Variants in APBB2 observed in about 807,000 individuals in gnomAD.
APBB2 encodes the protein amyloid beta precursor protein binding family B member 2.
A neutral mutation model predicts 82.5 loss-of-function variants in APBB2; 38 were observed. The ratio of observed to expected loss-of-function variants is 0.46; its 90% CI spans 0.36 to 0.60. The LOEUF is 0.60. Among genes scored for constraint, APBB2 ranks in the 20% least tolerant of loss-of-function variants. APBB2 has a pLI of 0.00. For synonymous variants in APBB2, 341 were observed against 368.2 expected (o/e 0.93, Z 0.85); for missense variants, 772 against 972.3 (o/e 0.79, Z 2.74).
chr4:41,061,556 G>C (rs1729845653), intron 4 of APBB2, among the ~76,000 whole-genome samples: 1 of 152,210 alleles, frequency 6.6e-6, no homozygotes, highest in African/African-American at 2.4e-5. Flanking sequence ...AAAAGGTACA[G>C]GAGAAATAGG....
At chr4:41,147,347 T>C (rs1240882907) in intron 1 of APBB2, among the ~76,000 whole-genome samples, 2 of 152,174 alleles carry the variant, frequency 1.3e-5, no homozygotes, top group East Asian at 3.9e-4. Flanking sequence ...CTGGATTTGA[T>C]TCATAGATTG....
chr4:40,978,764 C>CT (rs1797785740), intron 6 of APBB2, among the ~76,000 whole-genome samples: 1 of 152,078 alleles, frequency 6.6e-6, no homozygotes, highest in South Asian at 2.1e-4. Flanking sequence ...TACAAATAAA[C>CT]AAGCAAAAGC....
chr4:40,825,939 G>A lies in APBB2; in HGVS notation c.1764C>T (p.Val588=). Residue 588 remains valine (V), a synonymous_variant, in exon 15 of 18, where the codon GTC becomes GTT. Coordinates refer to ENST00000508593, the MANE Select transcript of APBB2 (RefSeq NM_004307.2). The part of the protein sequence containing the change: ...VDFPTPKTEL[V]QKFHVQYLGM... ...CCAAGTACTGCACGTGGAACTTCTG[G>A]ACCAGCTCAGTCTTTGGTGTTGGAA... 6.2e-7 allele frequency: 1 copy of A among 1,614,084 alleles called. No homozygotes were observed. Among genetic ancestry groups the A allele is most frequent in the Non-Finnish European group, 8.5e-7 (1 of 1,179,998 alleles).
intron 1 of APBB2, among the ~76,000 whole-genome samples, chr4:41,210,591 T>A (rs377532574): frequency 2.6e-5 from 4 of 152,384 alleles, no homozygotes; most frequent in African/African-American, 9.6e-5. Context: ...AATCTGGGTT[T>A]ATCTTCTGAC....
At chr4:40,831,722 G>T (rs1023834885) in intron 12 of APBB2, among the ~76,000 whole-genome samples, 6 of 152,170 alleles carry the variant, frequency 3.9e-5, no homozygotes, top group African/African-American at 1.4e-4. Context: ...ACCATGGACT[G>T]CAGTCCTATC....
intron 5 of APBB2, among the ~76,000 whole-genome samples, chr4:41,022,572 C>A (rs1712085628): frequency 6.6e-6 from 1 of 152,198 alleles, no homozygotes; most frequent in Non-Finnish European, 1.5e-5. Flanking sequence ...CTACTTCTCA[C>A]AATTCTCACA....
intron 2 of APBB2, among the ~76,000 whole-genome samples, chr4:41,111,689 C>T (rs567461175): frequency 7.7e-4 from 118 of 152,296 alleles, no homozygotes; most frequent in African/African-American, 2.7e-3. Context: ...CATATTTGGA[C>T]ATTTCCATTC....
intron 6 of APBB2, among the ~76,000 whole-genome samples, chr4:41,010,089 G>C (rs1486743046): frequency 6.6e-6 from 1 of 152,142 alleles, no homozygotes; most frequent in Admixed American, 6.6e-5. Flanking sequence ...ATCCACAGCA[G>C]ACTCTGAGGC....
At chr4:40,833,326 T>C (rs1373887454) in intron 12 of APBB2, among the ~76,000 whole-genome samples, 2 of 152,120 alleles carry the variant, frequency 1.3e-5, no homozygotes, top group Admixed American at 6.6e-5. Context: ...AGCATGTTCC[T>C]CCCACTGCAC....
chr4:40,938,918 C>T (rs1786089658), intron 7 of APBB2, among the ~76,000 whole-genome samples: 1 of 152,136 alleles, frequency 6.6e-6, no homozygotes, highest in African/African-American at 2.4e-5. Flanking sequence ...AGAGGCGCTG[C>T]CCTCATGAGT....
At chr4:41,091,750 T>A (rs1741794606) in intron 3 of APBB2, among the ~76,000 whole-genome samples, 1 of 152,184 alleles carries the variant, frequency 6.6e-6, no homozygotes, top group African/African-American at 2.4e-5. Context: ...TTTTTCTTAA[T>A]CCCAGCTCCT....
intron 3 of APBB2, among the ~76,000 whole-genome samples, chr4:41,090,437 T>A (rs1401211626): frequency 6.6e-6 from 1 of 152,200 alleles, no homozygotes; most frequent in Non-Finnish European, 1.5e-5. Flanking sequence ...GTTCGTTTTG[T>A]TGAAATCAAT....
intron 4 of APBB2, among the ~76,000 whole-genome samples, chr4:41,045,843 C>G (rs1410877467): frequency 6.6e-6 from 1 of 152,168 alleles, no homozygotes; most frequent in African/African-American, 2.4e-5. Flanking sequence ...AGCAGATGTT[C>G]AAGAAATCAC....
At chr4:41,002,657 A>G (rs1805558727) in intron 6 of APBB2, among the ~76,000 whole-genome samples, 1 of 152,326 alleles carries the variant, frequency 6.6e-6, no homozygotes, top group Admixed American at 6.5e-5. Flanking sequence ...CAGCATTGTG[A>G]GATTTCTGAA....
At chr4:40,921,653 C>T (rs1321637743) in intron 10 of APBB2, among the ~76,000 whole-genome samples, 1 of 152,208 alleles carries the variant, frequency 6.6e-6, no homozygotes, top group East Asian at 1.9e-4. Context: ...CACTGGCCCA[C>T]TGCATTGGTG....
intron 4 of APBB2, among the ~76,000 whole-genome samples, chr4:41,034,569 C>T (rs541389852): frequency 1.3e-5 from 2 of 152,334 alleles, no homozygotes; most frequent in Non-Finnish European, 2.9e-5. Context: ...AAGTGATCCG[C>T]CCACCTTGGC....
intron 1 of APBB2, among the ~76,000 whole-genome samples, chr4:41,184,504 G>C (rs554141665): frequency 7.9e-5 from 12 of 152,226 alleles, no homozygotes; most frequent in Non-Finnish European, 1.5e-4. Flanking sequence ...CTCTGCCCCA[G>C]AGCCCTTAAT....
intron 5 of APBB2, among the ~76,000 whole-genome samples, chr4:41,019,165 G>T (rs1810798597): frequency 6.6e-6 from 1 of 152,200 alleles, no homozygotes; most frequent in Admixed American, 6.5e-5. Flanking sequence ...GTAGCTGGAG[G>T]ATGACCCAGG....
intron 2 of APBB2, among the ~76,000 whole-genome samples, chr4:41,108,000 A>G (rs1687861615): frequency 6.6e-6 from 1 of 152,244 alleles, no homozygotes; most frequent in African/African-American, 2.4e-5. Context: ...TATATCAGAT[A>G]ATATTTATTG....
Sources: allele counts gnomAD v4.1 joint callset (sites outside exome capture counted in the v4.1 genomes callset), GRCh38; gene constraint gnomAD v4.1.1; transcripts MANE v1.5; gene names NCBI Gene and HGNC (gene_info 2026-07-23, HGNC 2026-07-21).